NRCAM: variants seen among roughly 807,000 people sequenced by gnomAD.
NRCAM encodes the protein neuronal cell adhesion molecule.
In NRCAM, 83 loss-of-function variants were observed where a neutral mutation model predicts 156.5. That is an observed-to-expected ratio of 0.53 (90% CI 0.44 to 0.64). The LOEUF (loss-of-function observed/expected upper bound fraction) is 0.64, where lower values mean the gene tolerates loss of function less well. Ranked by LOEUF, NRCAM falls within the 30% of genes least tolerant of loss-of-function variation. NRCAM has a pLI of 0.00. For synonymous variants in NRCAM, 538 were observed against 563.9 expected (o/e 0.95, Z 0.65); for missense variants, 1,417 against 1,597.3 (o/e 0.89, Z 1.92).
intron 1 of NRCAM, among the ~76,000 whole-genome samples, chr7:108,425,429 G>A (rs960956945): frequency 5.9e-5 from 9 of 152,166 alleles, no homozygotes; most frequent in Admixed American, 5.9e-4. Context: ...CCCCAGAAGA[G>A]ATGATACATG....
chr7:108,329,927 AAAAG>A (rs2099109726), intron 2 of NRCAM, among the ~76,000 whole-genome samples: 1 of 152,214 alleles, frequency 6.6e-6, no homozygotes, highest in African/African-American at 2.4e-5. Context: ...TTCAAAAGAT[AAAAG>A]AAATAGGGAG....
At chr7:108,358,946 T>G (rs1012242586) in intron 2 of NRCAM, among the ~76,000 whole-genome samples, 1 of 152,188 alleles carries the variant, frequency 6.6e-6, no homozygotes, top group Non-Finnish European at 1.5e-5. Flanking sequence ...GGGGTTGTCA[T>G]GCTTTTCAGA....
At chr7:108,219,803 C>A (rs942734940) in intron 11 of NRCAM, among the ~76,000 whole-genome samples, 3 of 152,058 alleles carry the variant, frequency 2.0e-5, no homozygotes, top group Non-Finnish European at 4.4e-5. Context: ...GACAAGAATG[C>A]CCACTCTTAC....
chr7:108,263,889 C>T (rs1317175411), intron 3 of NRCAM, among the ~76,000 whole-genome samples: 2 of 152,226 alleles, frequency 1.3e-5, no homozygotes, highest in African/African-American at 4.8e-5. Flanking sequence ...TGCATTCAGT[C>T]TTTCCATATT....
At chr7:108,232,151 T>C (rs974172423) in intron 7 of NRCAM, among the ~76,000 whole-genome samples, 175 bp downstream of exon 7, 6 of 152,148 alleles carry the variant, frequency 3.9e-5, no homozygotes, top group Admixed American at 1.3e-4. Flanking sequence ...AGCATTGGAC[T>C]AAGGAGCTTC....
At chr7:108,338,594 CAGAG>C (rs1157980149) in intron 2 of NRCAM, among the ~76,000 whole-genome samples, 2 of 147,572 alleles carry the variant, frequency 1.4e-5, no homozygotes, top group East Asian at 2.0e-4. Flanking sequence ...GAGGGAGAGA[CAGAG>C]AGAGAGACAG....
chr7:108,320,693 G>A (rs2098991351), intron 2 of NRCAM, among the ~76,000 whole-genome samples: 1 of 152,162 alleles, frequency 6.6e-6, no homozygotes, highest in Non-Finnish European at 1.5e-5. Flanking sequence ...TTAACTAATT[G>A]TTGTACAAAT....
intron 2 of NRCAM, among the ~76,000 whole-genome samples, chr7:108,338,442 T>G (rs1470770753): frequency 6.6e-6 from 1 of 152,160 alleles, no homozygotes; most frequent in African/African-American, 2.4e-5. Flanking sequence ...TTGTCCCTGA[T>G]GTCCCTACCG....
chr7:108,427,229 T>C (rs1049612421), intron 1 of NRCAM, among the ~76,000 whole-genome samples: 2 of 152,184 alleles, frequency 1.3e-5, no homozygotes, highest in Non-Finnish European at 2.9e-5. Context: ...ACCCAGGGCA[T>C]GCATAGTCTC....
At chr7:108,403,170 T>C (rs1159544398) in intron 1 of NRCAM, among the ~76,000 whole-genome samples, 1 of 152,238 alleles carries the variant, frequency 6.6e-6, no homozygotes, top group East Asian at 1.9e-4. Flanking sequence ...AGACTGACAG[T>C]TAATATTTCT....
intron 1 of NRCAM, among the ~76,000 whole-genome samples, chr7:108,434,024 C>T (rs547722902): frequency 2.5e-4 from 38 of 152,238 alleles, no homozygotes; most frequent in South Asian, 2.3e-3. Context: ...CATCATACAA[C>T]GGGACAAAAC....
chr7:108,277,338 T>G (rs2097675632), intron 3 of NRCAM, among the ~76,000 whole-genome samples: 1 of 152,214 alleles, frequency 6.6e-6, no homozygotes, highest in Non-Finnish European at 1.5e-5. Context: ...GTTTTCTAAC[T>G]TGGTTCCATT....
intron 32 of NRCAM, among the ~76,000 whole-genome samples, chr7:108,157,328 T>C (rs1033102778): frequency 4.6e-5 from 7 of 152,070 alleles, no homozygotes; most frequent in Non-Finnish European, 8.8e-5. Context: ...ATAGCACATA[T>C]AAATTAACAC....
chr7:108,328,461 A>G (rs187430673), intron 2 of NRCAM: 11 of 152,378 alleles, frequency 7.2e-5, no homozygotes, highest in African/African-American at 2.4e-4. Context: ...ATTTCCTCCC[A>G]GTAGCAAAGG....
rs2078504240 is a variant in NRCAM at position 108,202,100 on chromosome 7, C to G, written c.1208-4001G>C. ...TTATCCAGAGGAATAATCATTAATTCTAGGAATAACCAACTTCATCTGCTG... is the reference window on the plus strand; with the variant it reads ...TTATCCAGAGGAATAATCATTAATTGTAGGAATAACCAACTTCATCTGCTG... On this transcript the variant is annotated intron_variant, in intron 13 of 32. Coordinates refer to ENST00000379028, the MANE Select transcript of NRCAM (RefSeq NM_001037132.4). Among the ~76,000 whole-genome samples, 3 of 152,086 alleles carry G rather than the reference C, an allele frequency of 2.0e-5. No homozygotes were observed. In the South Asian group the frequency reaches 6.2e-4, roughly 32 times the overall value.
At chr7:108,304,919 T>C (rs1027691429) in intron 3 of NRCAM, among the ~76,000 whole-genome samples, 2 of 152,226 alleles carry the variant, frequency 1.3e-5, no homozygotes, top group Non-Finnish European at 2.9e-5. Context: ...AAGTCTATTA[T>C]AATGTAGGTA....
At chr7:108,327,231 CTCAG>C (rs1227295351) in intron 2 of NRCAM, among the ~76,000 whole-genome samples, 2 of 152,178 alleles carry the variant, frequency 1.3e-5, no homozygotes, top group Non-Finnish European at 2.9e-5. Context: ...AGGCATGCTG[CTCAG>C]TCTAGTCTCT....
At position 108,148,301 on chromosome 7, in the gene NRCAM, A is replaced by G. The variant is rs1584860123; in HGVS notation, c.*1609T>C. ...TAGCTTACCTCTTATACAGTACAAC[A>G]TAAACATTGCATGTTTATTTGTATG... On this transcript the variant is annotated 3_prime_UTR_variant, in exon 33 of 33. Coordinates refer to ENST00000379028, the MANE Select transcript of NRCAM (RefSeq NM_001037132.4). 1 of 152,692 alleles carries G rather than the reference A, an allele frequency of 6.5e-6. No homozygotes were observed. Among genetic ancestry groups the G allele is most frequent in the East Asian group, 1.9e-4 (1 of 5,206 alleles). 9.5% of individuals were successfully genotyped at this position (152,692 alleles called of 1,614,324 possible).
intron 32 of NRCAM, among the ~76,000 whole-genome samples, chr7:108,155,890 G>C (rs918839565): frequency 2.0e-5 from 3 of 151,996 alleles, no homozygotes; most frequent in Admixed American, 6.6e-5. Flanking sequence ...CTTTCCCTAA[G>C]AATAAATTTT....
Sources: allele counts gnomAD v4.1 joint callset (sites outside exome capture counted in the v4.1 genomes callset), GRCh38; gene constraint gnomAD v4.1.1; transcripts MANE v1.5; gene names NCBI Gene and HGNC (gene_info 2026-07-23, HGNC 2026-07-21).